The following SLCO1B3 variants were observed in gnomAD, a reference collection of about 807,000 sequenced individuals.
The protein encoded by SLCO1B3 is solute carrier organic anion transporter family member 1B3.
Under a neutral mutation model 71.8 loss-of-function variants are expected in SLCO1B3, and 72 were observed. That is an observed-to-expected ratio of 1.00 (90% CI 0.83 to 1.22). The LOEUF is 1.22. SLCO1B3 is among the 50% of genes most tolerant of loss of function. The probability of loss-of-function intolerance (pLI) is 0.00; values close to 1 mark genes in which losing one functional copy is unlikely to be tolerated. For synonymous variants in SLCO1B3, 298 were observed against 278.4 expected, an observed-to-expected ratio of 1.07 and a Z score of -0.70; for missense variants, 911 against 819.7, an observed-to-expected ratio of 1.11 and a Z score of -1.36.
chr12:20,838,902 A>G (rs1864738721), intron 3 of SLCO1B3, among the ~76,000 whole-genome samples: 1 of 151,926 alleles, frequency 6.6e-6, no homozygotes, highest in African/African-American at 2.4e-5. Flanking sequence ...GTGGTTTCAA[A>G]TGAGCATTTT....
At chr12:20,817,842 G>A (rs796066587) in intron 3 of SLCO1B3, among the ~76,000 whole-genome samples, 5 of 151,952 alleles carry the variant, frequency 3.3e-5, no homozygotes, top group Admixed American at 6.6e-5. Flanking sequence ...CGCCTGCCTC[G>A]GCCTCCGAAA....
At chr12:20,914,692 G>C (rs1454692382) in intron 15 of SLCO1B3, among the ~76,000 whole-genome samples, 3 of 152,216 alleles carry the variant, frequency 2.0e-5, no homozygotes, top group Non-Finnish European at 2.9e-5. Context: ...CTTGCAAGGA[G>C]AGTCTACTGG....
rs370784330 is a variant in SLCO1B3 at position 20,858,435 on chromosome 12, C to G, written c.227-4C>G. ...ATATCAACATAATTTTGTTTTTTTT[C>G]TAGGAAATTTGCTTGTGATTGTATT... is the stretch of plus-strand genomic sequence containing the variant. On this transcript the variant is annotated splice_region_variant and splice_polypyrimidine_tract_variant and intron_variant, in intron 4 of 15. Coordinates refer to ENST00000381545, the MANE Select transcript of SLCO1B3 (RefSeq NM_019844.4). 2.1e-5 allele frequency: 33 copies of G among 1,572,008 alleles called. No homozygotes were observed. The highest frequency in any genetic ancestry group is 2.7e-5 in the Non-Finnish European group (31 of 1,144,942).
At chr12:20,859,483 GT>G (rs139504676) in intron 5 of SLCO1B3, among the ~76,000 whole-genome samples, 19 of 146,598 alleles carry the variant, frequency 1.3e-4, no homozygotes, top group Admixed American at 4.9e-4. Context: ...TATGAATTCT[GT>G]TTTTTTCCCC....
At chr12:20,914,386 T>C (rs1866449695) in intron 15 of SLCO1B3, among the ~76,000 whole-genome samples, 1 of 152,088 alleles carries the variant, frequency 6.6e-6, no homozygotes, top group South Asian at 2.1e-4. Flanking sequence ...AGATTATGAG[T>C]ACCCTTATAA....
chr12:20,861,331 G>A (rs1865261517), intron 6 of SLCO1B3, among the ~76,000 whole-genome samples, 193 bp downstream of exon 6: 1 of 114,518 alleles, frequency 8.7e-6, no homozygotes, highest in Non-Finnish European at 2.0e-5. Flanking sequence ...AACTGCACCT[G>A]TTCGCTTATA....
intron 3 of SLCO1B3, among the ~76,000 whole-genome samples, chr12:20,817,660 T>A (rs1013943855): frequency 6.6e-5 from 10 of 152,120 alleles, no homozygotes; most frequent in African/African-American, 2.2e-4. Flanking sequence ...TGATCTCGGC[T>A]CACTGCAAGC....
At chr12:20,840,097 C>T (rs1270603294) in intron 3 of SLCO1B3, among the ~76,000 whole-genome samples, 3 of 152,108 alleles carry the variant, frequency 2.0e-5, no homozygotes, top group Non-Finnish European at 4.4e-5. Context: ...GCATGTTGCT[C>T]ATAGTCATTT....
At chr12:20,878,907 C>T (rs1368720065) in intron 10 of SLCO1B3, among the ~76,000 whole-genome samples, 1 of 17,066 alleles carries the variant, frequency 5.9e-5, no homozygotes, top group African/African-American at 7.6e-5. Context: ...AATTCTAAAG[C>T]CTGGGCAAAA....
intron 10 of SLCO1B3, 144 bp from the exon 11 acceptor site, chr12:20,879,292 T>C (rs914835998): frequency 9.7e-5 from 36 of 371,038 alleles, no homozygotes; most frequent in African/African-American, 8.1e-4. Flanking sequence ...CACTGCAAGC[T>C]CCGCCTCCCA....
At chr12:20,862,583 T>C (rs1276027569) in intron 7 of SLCO1B3, 25 bp downstream of exon 7, 1 of 1,570,424 alleles carries the variant, frequency 6.4e-7, no homozygotes, top group African/African-American at 1.4e-5. Flanking sequence ...ATATTAAATT[T>C]CATGATTACA....
At chr12:20,882,667 G>A (rs919669390) in intron 12 of SLCO1B3, among the ~76,000 whole-genome samples, 4 of 152,236 alleles carry the variant, frequency 2.6e-5, no homozygotes, top group Admixed American at 2.6e-4. Context: ...TCCTCCCAAA[G>A]TGCTGGGATT....
At chr12:20,889,630 T>C (rs1301379416) in intron 13 of SLCO1B3, among the ~76,000 whole-genome samples, 1 of 152,148 alleles carries the variant, frequency 6.6e-6, no homozygotes, top group Non-Finnish European at 1.5e-5. Context: ...ATCTTACTTA[T>C]ATTTTCAAAT....
chr12:20,883,641 A>T, intron 13 of SLCO1B3, 39 bp downstream of exon 13: 1 of 1,280,306 alleles, frequency 7.8e-7, no homozygotes, highest in Admixed American at 2.6e-5. Context: ...TGTATATTAG[A>T]CTAAAACACA....
chr12:20,862,262 A>G (rs1865281513), intron 6 of SLCO1B3, 150 bp from the exon 7 acceptor site: 3 of 903,246 alleles, frequency 3.3e-6, no homozygotes, highest in Non-Finnish European at 4.9e-6. Context: ...GCCCTTCCTT[A>G]TTTTCAAACT....
At chr12:20,885,870 A>G (rs1350936717) in intron 13 of SLCO1B3, among the ~76,000 whole-genome samples, 1 of 152,024 alleles carries the variant, frequency 6.6e-6, no homozygotes, top group Non-Finnish European at 1.5e-5. Flanking sequence ...CATTAGTATT[A>G]CCTAATGCTT....
At chr12:20,839,070 T>C (rs1468528565) in intron 3 of SLCO1B3, among the ~76,000 whole-genome samples, 1 of 152,058 alleles carries the variant, frequency 6.6e-6, no homozygotes, top group Non-Finnish European at 1.5e-5. Flanking sequence ...TAGTGTAACT[T>C]GCAAAACAAA....
At chr12:20,818,498 G>A (rs564876002) in intron 3 of SLCO1B3, among the ~76,000 whole-genome samples, 88 of 152,232 alleles carry the variant, frequency 5.8e-4, no homozygotes, top group African/African-American at 2.0e-3. Context: ...TAGTTTTTGG[G>A]ACTCGGGGTA....
Position 20,883,431 on chromosome 12 carries a change from G to GA in SLCO1B3, c.1511_1512insA (p.Cys504Ter), listed in dbSNP as rs1865730798. 1.9e-6 allele frequency: 3 copies of GA among 1,553,754 alleles called. No homozygotes were observed. The highest frequency in any genetic ancestry group is 2.4e-5 in the East Asian group (1 of 41,786). ...GIKKHTVFYN[C>*]SCVEVTGLQN... ...AACTATTTTTAGGTGTTTTATAACT[G>GA]TAGTTGTGTGGAAGTAACTGGTCTC... The change falls in exon 13 of 16, where the codon TGT becomes TGAT. Residue 504 changes from cysteine (C) to a stop codon, truncating the protein, a stop_gained and frameshift_variant. Coordinates refer to ENST00000381545, the MANE Select transcript of SLCO1B3 (RefSeq NM_019844.4). LOFTEE classifies it high-confidence loss of function.
Sources: allele counts gnomAD v4.1 joint callset (sites outside exome capture counted in the v4.1 genomes callset), GRCh38; gene constraint gnomAD v4.1.1; transcripts MANE v1.5; gene names NCBI Gene and HGNC (gene_info 2026-07-23, HGNC 2026-07-21).